The following PELI1 variants were observed in gnomAD, a reference collection of about 807,000 sequenced individuals.
PELI1 encodes pellino E3 ubiquitin protein ligase 1.
PELI1 carries 15 observed loss-of-function variants against 41.3 expected under a neutral mutation model. The ratio of observed to expected loss-of-function variants is 0.36; its 90% CI spans 0.24 to 0.56. The LOEUF is 0.56. Among genes scored for constraint, PELI1 ranks in the 20% least tolerant of loss-of-function variants. PELI1 has a pLI of 0.82. For synonymous variants in PELI1, 178 were observed against 180.1 expected (o/e 0.99, Z 0.09); for missense variants, 403 against 525.5 (o/e 0.77, Z 2.28).
chr2:64,143,914 G>GGCGCCGCAAACTCCGCTCC (rs1482846696), intron 1 of PELI1, among the ~76,000 whole-genome samples, 167 bp downstream of exon 1: 1 of 151,430 alleles, frequency 6.6e-6, no homozygotes, highest in Non-Finnish European at 1.5e-5. Flanking sequence ...GCGGGATGCA[G>GGCGCCGCAAACTCCGCTCC]GCGCCGCAAA....
chr2:64,132,117 C>T (rs947226164), intron 1 of PELI1, among the ~76,000 whole-genome samples: 2 of 152,106 alleles, frequency 1.3e-5, no homozygotes, highest in Non-Finnish European at 2.9e-5. Flanking sequence ...TTCCACTAGA[C>T]CAAGTCAGGA....
Position 64,095,831 on chromosome 2 carries a change from C to A in PELI1, c.690+294G>T, listed in dbSNP as rs142118485. Among the ~76,000 whole-genome samples, 226 of 152,218 alleles carry A rather than the reference C, an allele frequency of 1.5e-3. 2 individuals are homozygous for A. In the Middle Eastern group the frequency reaches 0.02, roughly 14 times the overall value. On this transcript the variant is annotated intron_variant, in intron 6 of 6. Coordinates refer to ENST00000358912, the MANE Select transcript of PELI1 (RefSeq NM_020651.4). ...GCTTATTTTGTATTTTTAGTAGAGA[C>A]AGGGTTTCTCCATGTGGCTCAGGCT... is the stretch of plus-strand genomic sequence containing the variant.
chr2:64,108,465 A>G (rs1226055992), intron 1 of PELI1, 86 bp from the exon 2 acceptor site: 6 of 614,318 alleles, frequency 9.8e-6, no homozygotes. Context: ...CCTCTTGAAC[A>G]CAATATTATG....
At chr2:64,107,700 C>T (rs1247655543) in intron 2 of PELI1, among the ~76,000 whole-genome samples, 2 of 150,466 alleles carry the variant, frequency 1.3e-5, no homozygotes, top group East Asian at 3.9e-4. Flanking sequence ...TTTTTTGAGA[C>T]AGAGTCTTAC....
intron 1 of PELI1, among the ~76,000 whole-genome samples, chr2:64,128,064 C>T (rs1160459099): frequency 6.6e-6 from 1 of 152,088 alleles, no homozygotes; most frequent in Non-Finnish European, 1.5e-5. Flanking sequence ...AAAATATCAA[C>T]CAGTTTTCTT....
intron 1 of PELI1, among the ~76,000 whole-genome samples, chr2:64,123,276 G>A (rs190042649): frequency 4.6e-5 from 7 of 152,316 alleles, no homozygotes; most frequent in African/African-American, 1.7e-4. Flanking sequence ...ATAGAGCACT[G>A]CCTTCCTAAA....
At chr2:64,125,587 T>A (rs1681358111) in intron 1 of PELI1, among the ~76,000 whole-genome samples, 2 of 152,236 alleles carry the variant, frequency 1.3e-5, no homozygotes, top group South Asian at 2.1e-4. Flanking sequence ...ATCCAATGCC[T>A]GGTATTTAAT....
At chr2:64,112,484 T>C (rs563233761) in intron 1 of PELI1, among the ~76,000 whole-genome samples, 2 of 152,364 alleles carry the variant, frequency 1.3e-5, no homozygotes, top group East Asian at 1.9e-4. Context: ...GGCTGGCATA[T>C]ACCCTCCATA....
chr2:64,122,698 A>G (rs1250389417), intron 1 of PELI1, among the ~76,000 whole-genome samples: 1 of 152,182 alleles, frequency 6.6e-6, no homozygotes, highest in Non-Finnish European at 1.5e-5. Flanking sequence ...GCTATTCTAC[A>G]GTACATTTGT....
At chr2:64,134,543 T>C (rs1051898866) in intron 1 of PELI1, among the ~76,000 whole-genome samples, 1 of 152,220 alleles carries the variant, frequency 6.6e-6, no homozygotes, top group East Asian at 1.9e-4. Flanking sequence ...AAGCAGCCGC[T>C]ACTTTACAAA....
At chr2:64,120,214 G>C (rs1681161566) in intron 1 of PELI1, among the ~76,000 whole-genome samples, 2 of 152,210 alleles carry the variant, frequency 1.3e-5, no homozygotes, top group African/African-American at 4.8e-5. Context: ...GACATGTGCT[G>C]TTCTCAGATT....
intron 3 of PELI1, among the ~76,000 whole-genome samples, chr2:64,102,562 C>G (rs1221321357): frequency 1.3e-5 from 2 of 152,238 alleles, no homozygotes; most frequent in East Asian, 3.9e-4. Context: ...TTCAATGAAA[C>G]AATTACTCAG....
intron 4 of PELI1, among the ~76,000 whole-genome samples, chr2:64,097,881 A>C (rs920586544): frequency 2.0e-5 from 3 of 152,368 alleles, no homozygotes; most frequent in African/African-American, 4.8e-5. Flanking sequence ...AACAAATATA[A>C]GATTGGATAT....
chr2:64,139,136 G>A (rs755700371), intron 1 of PELI1, among the ~76,000 whole-genome samples: 1 of 152,120 alleles, frequency 6.6e-6, no homozygotes, highest in Non-Finnish European at 1.5e-5. Flanking sequence ...CCCCAATTTT[G>A]AATAAATGTC....
rs371941887 is a variant in PELI1 at position 64,095,017 on chromosome 2, T to C, written c.942A>G (p.Val314=). The part of the protein sequence containing the change: ...QPWVYLNCGH[V]HGYHNWGNKE... ...TGTTTCCCCAGTTATGATAGCCATG[T>C]ACATGGCCGCAGTTTAGATATACCC... Residue 314 remains valine (V), a synonymous_variant, in exon 7 of 7, where the codon GTA becomes GTG. Transcript: ENST00000358912. 121 of 1,614,110 alleles carry C rather than the reference T, an allele frequency of 7.5e-5. No individual in the cohort carries two copies. Among genetic ancestry groups the C allele is most frequent in the Non-Finnish European group, 9.8e-5 (116 of 1,180,018 alleles).
rs1340843565 is a variant in PELI1, at chr2:64,144,105, C to A, written c.-94G>T. The A allele has an allele frequency of 6.6e-6, 1 of 151,896 alleles. No individual in the cohort carries two copies. The highest frequency in any genetic ancestry group is 2.4e-5 in the African/African-American group (1 of 41,394). The allele number at this position is 151,896 out of a possible 1,614,324, so 9.4% of individuals were successfully genotyped here. Reference sequence around the variant, plus strand: ...CCGGACAATTGCTGGTGGCCGGGATCCCAGAGCGGCCCCCGAGACCCGAGG... The same window carrying A: ...CCGGACAATTGCTGGTGGCCGGGATACCAGAGCGGCCCCCGAGACCCGAGG... On this transcript the variant is annotated 5_prime_UTR_variant, in exon 1 of 7. Transcript: ENST00000358912.
intron 2 of PELI1, 84 bp from the exon 3 acceptor site, chr2:64,104,914 C>A: frequency 1.8e-6 from 2 of 1,112,852 alleles, no homozygotes; most frequent in South Asian, 3.2e-5. Flanking sequence ...CTTGCAGAAT[C>A]AATTCCCAAT....
At chr2:64,143,628 A>G (rs974675573) in intron 1 of PELI1, 22 of 152,362 alleles carry the variant, frequency 1.4e-4, no homozygotes, top group African/African-American at 5.3e-4. Flanking sequence ...GACAACAATC[A>G]TAACAATAAA....
intron 1 of PELI1, among the ~76,000 whole-genome samples, chr2:64,129,001 A>G (rs1681472742): frequency 6.6e-6 from 1 of 152,306 alleles, no homozygotes; most frequent in Non-Finnish European, 1.5e-5. Flanking sequence ...GTCTATCACC[A>G]TCACAATGTT....
Sources: gnomAD v4.1 joint callset for allele counts (sites outside exome capture counted in the v4.1 genomes callset) on GRCh38, gnomAD v4.1.1 for gene constraint, MANE v1.5 for transcripts, NCBI Gene and HGNC (gene_info 2026-07-23, HGNC 2026-07-21) for gene names.